Variants in FRMD4A observed in about 807,000 individuals in gnomAD.
FRMD4A encodes the protein FERM domain containing 4A.
A neutral mutation model predicts 129.1 loss-of-function variants in FRMD4A; 29 were observed. The ratio of observed to expected loss-of-function variants is 0.22; its 90% CI spans 0.17 to 0.31. The LOEUF (loss-of-function observed/expected upper bound fraction) is 0.31, where lower values mean the gene tolerates loss of function less well. Among genes scored for constraint, FRMD4A ranks in the 10% least tolerant of loss-of-function variants. The pLI is 1.00. For synonymous variants in FRMD4A, 634 were observed against 571.6 expected (o/e 1.11, Z -1.56); for missense variants, 1,272 against 1,375.8 (o/e 0.92, Z 1.19).
At chr10:14,217,653 C>T (rs1341145097) in intron 2 of FRMD4A, among the ~76,000 whole-genome samples, 2 of 152,102 alleles carry the variant, frequency 1.3e-5, no homozygotes, top group African/African-American at 4.8e-5. Context: ...AGGTGGTGGC[C>T]TAGTCAAAGG....
chr10:14,321,139 G>C (rs1298694002), intron 2 of FRMD4A, among the ~76,000 whole-genome samples: 1 of 152,030 alleles, frequency 6.6e-6, no homozygotes, highest in African/African-American at 2.4e-5. Flanking sequence ...GTTCACCACT[G>C]TATCCCTCCT....
At chr10:14,105,222 T>C (rs963557836) in intron 2 of FRMD4A, among the ~76,000 whole-genome samples, 36 of 152,200 alleles carry the variant, frequency 2.4e-4, no homozygotes, top group African/African-American at 8.7e-4. Context: ...ACCCAATAAA[T>C]TTATTGTCAT....
intron 2 of FRMD4A, among the ~76,000 whole-genome samples, chr10:13,871,816 G>T (rs2094441720): frequency 6.6e-6 from 1 of 152,244 alleles, no homozygotes; most frequent in Admixed American, 6.5e-5. Flanking sequence ...CTGTCCTCCA[G>T]CTACCTGGGG....
rs373871027 is a variant in FRMD4A, at chr10:13,838,991, C to CTTTT, written c.111+19852_111+19855dup. On this transcript the variant is annotated intron_variant, in intron 3 of 24. Transcript: ENST00000357447. ...AGGGCTTGGCTGGAAGAATAATTTC[C>CTTTT]TTTTTTTTTTTTTTTTTTTTTTAGA... Among the ~76,000 whole-genome samples the CTTTT allele has an allele frequency of 5.2e-4, 50 of 95,688 alleles. 2 individuals are homozygous for CTTTT. The highest frequency in any genetic ancestry group is 1.3e-3 in the African/African-American group (31 of 23,862). The allele number at this position is 95,688 out of a possible 152,430, so 62.8% of individuals were successfully genotyped here. A position where few individuals can be genotyped will look rare whatever the true frequency, so the allele number is the denominator to read the frequency against.
chr10:14,194,482 GC>G (rs2131928277), intron 2 of FRMD4A, among the ~76,000 whole-genome samples: 1 of 152,320 alleles, frequency 6.6e-6, no homozygotes, highest in African/African-American at 2.4e-5. Context: ...GTGGTGGCAG[GC>G]ACCTATAGTC....
intron 2 of FRMD4A, among the ~76,000 whole-genome samples, chr10:14,014,450 G>A (rs1253554277): frequency 2.0e-5 from 3 of 152,150 alleles, no homozygotes; most frequent in Admixed American, 1.3e-4. Context: ...AGCAGGAGGG[G>A]GGAGTTTGGA....
At chr10:14,033,522 T>C (rs9787468) in intron 2 of FRMD4A, among the ~76,000 whole-genome samples, 104,443 of 151,938 alleles carry the variant, frequency 0.69, 37,285 homozygotes, top group East Asian at 0.92. Flanking sequence ...TGGTGGCTCA[T>C]GCCTGTAATC....
At chr10:13,857,254 G>A (rs550041898) in intron 3 of FRMD4A, among the ~76,000 whole-genome samples, 37 of 151,912 alleles carry the variant, frequency 2.4e-4, no homozygotes, top group Non-Finnish European at 5.0e-4. Context: ...AGATAATAAT[G>A]GTATATCAAT....
At chr10:14,137,080 A>G (rs1447255579) in intron 2 of FRMD4A, among the ~76,000 whole-genome samples, 2 of 152,270 alleles carry the variant, frequency 1.3e-5, no homozygotes, top group Non-Finnish European at 1.5e-5. Flanking sequence ...GGCAAAGCCA[A>G]CAAGAGTCCT....
At chr10:14,123,275 C>G (rs1270267955) in intron 2 of FRMD4A, among the ~76,000 whole-genome samples, 1 of 152,178 alleles carries the variant, frequency 6.6e-6, no homozygotes, top group East Asian at 1.9e-4. Flanking sequence ...TAGTTCGAAC[C>G]AGTCCTGTTC....
intron 6 of FRMD4A, among the ~76,000 whole-genome samples, chr10:13,770,522 C>A (rs553041239): frequency 2.6e-5 from 4 of 152,190 alleles, no homozygotes; most frequent in Non-Finnish European, 4.4e-5. Context: ...TAGTTCACTG[C>A]AGCCTTGAAC....
At chr10:13,814,209 A>C (rs1433900089) in intron 3 of FRMD4A, among the ~76,000 whole-genome samples, 2 of 152,208 alleles carry the variant, frequency 1.3e-5, no homozygotes, top group East Asian at 3.9e-4. Context: ...GTGACTACAA[A>C]GTAATTATTG....
chr10:14,223,583 A>G (rs1843333047), intron 2 of FRMD4A, among the ~76,000 whole-genome samples: 1 of 152,096 alleles, frequency 6.6e-6, no homozygotes, highest in Non-Finnish European at 1.5e-5. Flanking sequence ...TCTACAAAAT[A>G]TCAAAAAATT....
At chr10:13,764,642 TAAAGAC>T (rs984781838) in intron 6 of FRMD4A, among the ~76,000 whole-genome samples, 5 of 152,192 alleles carry the variant, frequency 3.3e-5, no homozygotes, top group Non-Finnish European at 5.9e-5. Flanking sequence ...GCTCACATGT[TAAAGAC>T]AAAGAGAAGC....
intron 2 of FRMD4A, among the ~76,000 whole-genome samples, chr10:14,319,290 A>C (rs1258204592): frequency 3.3e-5 from 5 of 150,732 alleles, no homozygotes; most frequent in African/African-American, 1.2e-4. Context: ...ATTTTGTACA[A>C]AAATTACAAA....
intron 2 of FRMD4A, among the ~76,000 whole-genome samples, chr10:14,018,274 C>T (rs757173843): frequency 8.7e-5 from 13 of 149,186 alleles, no homozygotes; most frequent in Non-Finnish European, 1.3e-4. Context: ...GGTGAAACCC[C>T]GTCTCTACTA....
intron 2 of FRMD4A, among the ~76,000 whole-genome samples, chr10:13,968,033 A>G (rs1008228186): frequency 1.3e-5 from 2 of 152,166 alleles, no homozygotes; most frequent in Admixed American, 1.3e-4. Flanking sequence ...CGCTTAAGAC[A>G]TTTTATACAT....
intron 2 of FRMD4A, among the ~76,000 whole-genome samples, chr10:13,937,311 G>A (rs554614800): frequency 1.3e-5 from 2 of 152,238 alleles, no homozygotes; most frequent in African/African-American, 2.4e-5. Flanking sequence ...ATAACTGTCC[G>A]CATGGAGAAG....
intron 2 of FRMD4A, among the ~76,000 whole-genome samples, chr10:14,315,676 C>T (rs1452966149): frequency 6.6e-6 from 1 of 152,212 alleles, no homozygotes; most frequent in Non-Finnish European, 1.5e-5. Flanking sequence ...ATTTTTCCTC[C>T]ATTTTTGCTT....
Sources: allele counts gnomAD v4.1 joint callset (sites outside exome capture counted in the v4.1 genomes callset), GRCh38; gene constraint gnomAD v4.1.1; transcripts MANE v1.5; gene names NCBI Gene and HGNC (gene_info 2026-07-23, HGNC 2026-07-21).